Variants in ENTPD1 observed in about 807,000 individuals in gnomAD.
ENTPD1 encodes ectonucleoside triphosphate diphosphohydrolase 1.
In ENTPD1, 33 loss-of-function variants were observed where a neutral mutation model predicts 57.0. The observed-to-expected ratio is 0.58, with a 90% CI of 0.44 to 0.77. The LOEUF (loss-of-function observed/expected upper bound fraction) is 0.77, where lower values mean the gene tolerates loss of function less well. ENTPD1 is among the 30% of genes least tolerant of loss of function. The probability of loss-of-function intolerance (pLI) is 0.00; values close to 1 mark genes in which losing one functional copy is unlikely to be tolerated. For synonymous variants in ENTPD1, 202 were observed against 218.8 expected (o/e 0.92, Z 0.68); for missense variants, 501 against 603.4 (o/e 0.83, Z 1.78).
chr10:95,846,798 A>G (rs113129497), intron 6 of ENTPD1, among the ~76,000 whole-genome samples: 2 of 151,554 alleles, frequency 1.3e-5, no homozygotes, highest in Non-Finnish European at 2.9e-5. Context: ...GACCAGCCTG[A>G]CCAACATGGC....
Position 95,876,570 on chromosome 10 carries a change from T to C in ENTPD1, c.*10187T>C. 4.9e-6 allele frequency: 6 copies of C among 1,231,024 alleles called. 1 individual carries two copies. The Middle Eastern group carries it at 9.4e-4, about 192-fold the overall frequency. 76.3% of individuals were successfully genotyped at this position (1,231,024 alleles called of 1,614,324 possible). Reference sequence around the variant, plus strand: ...CTTGGAGTACTCATGAAGATGGAAGTCTACATGGAGAATACAGGATGAATC... The same window carrying C: ...CTTGGAGTACTCATGAAGATGGAAGCCTACATGGAGAATACAGGATGAATC... On this transcript the variant is annotated 3_prime_UTR_variant, in exon 10 of 10. Coordinates refer to ENST00000371205, the MANE Select transcript of ENTPD1 (RefSeq NM_001776.6).
At chr10:95,756,479 AG>A (rs1306223347) in intron 1 of ENTPD1, 2 of 585,066 alleles carry the variant, frequency 3.4e-6, no homozygotes, top group African/African-American at 1.9e-5. Flanking sequence ...AGCAAGCTGG[AG>A]GGGCTCATGA....
intron 2 of ENTPD1, chr10:95,839,385 G>A: frequency 2.5e-6 from 1 of 392,448 alleles, no homozygotes; most frequent in Non-Finnish European, 4.8e-6. Context: ...ACTTCAGCAT[G>A]TGGTTCTGAA....
the ENTPD1 span, among the ~76,000 whole-genome samples, chr10:95,695,566 T>C: frequency 6.6e-6 from 1 of 152,258 alleles, no homozygotes; most frequent in African/African-American, 2.4e-5. Context: ...CTCTGTGTTA[T>C]AAATATTTTC....
At chr10:95,838,698 G>T (rs1224382743) in intron 2 of ENTPD1, among the ~76,000 whole-genome samples, 1 of 152,206 alleles carries the variant, frequency 6.6e-6, no homozygotes, top group African/African-American at 2.4e-5. Flanking sequence ...CTTGATCTGG[G>T]TGGTGGTTAT....
the ENTPD1 span, among the ~76,000 whole-genome samples, chr10:95,703,781 C>CAA: frequency 2.9e-4 from 21 of 73,390 alleles, no homozygotes; most frequent in African/African-American, 6.9e-4. Context: ...GACTCTGTCT[C>CAA]AAAAAAAAAA....
In ENTPD1 at chr10:95,876,596, C is replaced by T. The variant is rs2141044153; in HGVS notation, c.*10213C>T. 2 of 1,230,312 alleles carry T rather than the reference C, an allele frequency of 1.6e-6. No individual in the cohort carries two copies. The highest frequency in any genetic ancestry group is 4.2e-5 in the South Asian group (1 of 23,926). 76.2% of individuals were successfully genotyped at this position (1,230,312 alleles called of 1,614,324 possible). A position where few individuals can be genotyped will look rare whatever the true frequency, so the allele number is the denominator to read the frequency against. ...CTACATGGAGAATACAGGATGAATCCACTCTGTCTCCTGCAGTGAAGTCTG... is the reference window on the plus strand; with the variant it reads ...CTACATGGAGAATACAGGATGAATCTACTCTGTCTCCTGCAGTGAAGTCTG... On this transcript the variant is annotated 3_prime_UTR_variant, in exon 10 of 10. Transcript: ENST00000371205.
chr10:95,842,809 T>G (rs1006938855), intron 4 of ENTPD1, among the ~76,000 whole-genome samples: 6 of 152,178 alleles, frequency 3.9e-5, no homozygotes, highest in Non-Finnish European at 7.3e-5. Context: ...ATTTAACTAT[T>G]CAATATCTGG....
chr10:95,754,826 T>TA (rs2098018354), upstream of ENTPD1: 2 of 152,198 alleles, frequency 1.3e-5, no homozygotes, highest in Non-Finnish European at 2.9e-5. Flanking sequence ...TATTAAAGTA[T>TA]AAAAAATGTA....
chr10:95,761,514 C>T (rs1362609953), intron 1 of ENTPD1, among the ~76,000 whole-genome samples: 3 of 152,118 alleles, frequency 2.0e-5, no homozygotes, highest in Non-Finnish European at 2.9e-5. Context: ...GCTCTTCCCA[C>T]CCTCTACTCC....
At chr10:95,834,634 C>G (rs1407314227) in intron 2 of ENTPD1, among the ~76,000 whole-genome samples, 1 of 152,136 alleles carries the variant, frequency 6.6e-6, no homozygotes, top group Non-Finnish European at 1.5e-5. Flanking sequence ...ACCCAGAAGC[C>G]TGGTACTATG....
At chr10:95,811,611 A>G (rs751532692) in intron 1 of ENTPD1, among the ~76,000 whole-genome samples, 1 of 152,080 alleles carries the variant, frequency 6.6e-6, no homozygotes, top group Non-Finnish European at 1.5e-5. Flanking sequence ...ATTAGTCTCG[A>G]ACTCCTGGGC....
chr10:95,705,302 G>A, the ENTPD1 span, among the ~76,000 whole-genome samples: 5 of 52,878 alleles, frequency 9.5e-5, no homozygotes, highest in Non-Finnish European at 2.6e-4. Context: ...TGTGTGTATG[G>A]TAAATACATA....
intron 1 of ENTPD1, 95 bp downstream of exon 1, chr10:95,756,350 G>A: frequency 7.3e-7 from 1 of 1,360,590 alleles, no homozygotes; most frequent in Non-Finnish European, 1.0e-6. Flanking sequence ...TTGAAAGCTG[G>A]AGGCAAAAAG....
intron 1 of ENTPD1, among the ~76,000 whole-genome samples, chr10:95,742,317 T>G (rs2098001196): frequency 6.6e-6 from 1 of 152,110 alleles, no homozygotes; most frequent in African/African-American, 2.4e-5. Context: ...CTGGCAATGT[T>G]CCCAAATAAG....
chr10:95,719,916 G>A (rs1209164506), intron 1 of ENTPD1, among the ~76,000 whole-genome samples: 1 of 152,150 alleles, frequency 6.6e-6, no homozygotes, highest in African/African-American at 2.4e-5. Flanking sequence ...CATCCTTAAG[G>A]TCCAGGACTG....
At chr10:95,698,123 G>T in the ENTPD1 span, among the ~76,000 whole-genome samples, 1 of 152,222 alleles carries the variant, frequency 6.6e-6, no homozygotes. Flanking sequence ...TGAGATTTGA[G>T]ATGGAACTGA....
intron 7 of ENTPD1, among the ~76,000 whole-genome samples, chr10:95,850,754 A>G (rs904627300): frequency 1.3e-5 from 2 of 152,192 alleles, no homozygotes; most frequent in African/African-American, 4.8e-5. Context: ...TCTTCATTCT[A>G]TGCTGTCCTT....
In ENTPD1 at chr10:95,783,457, A is replaced by G. The variant is rs186864985; in HGVS notation, c.16+27202A>G. Among the ~76,000 whole-genome samples, 1,030 of 152,348 alleles carry G rather than the reference A, an allele frequency of 6.8e-3. 18 individuals are homozygous for G. The highest frequency in any genetic ancestry group is 6.3e-3 in the Non-Finnish European group (429 of 68,026). On this transcript the variant is annotated intron_variant, in intron 1 of 9. Coordinates refer to ENST00000371205, the MANE Select transcript of ENTPD1 (RefSeq NM_001776.6). ...AGTGGCAAAATCTTGACTAAACTTC[A>G]GAGCAAACACGCACTCTTTTCTTTG...
Sources: allele counts gnomAD v4.1 joint callset (sites outside exome capture counted in the v4.1 genomes callset), GRCh38; gene constraint gnomAD v4.1.1; transcripts MANE v1.5; gene names NCBI Gene and HGNC (gene_info 2026-07-23, HGNC 2026-07-21).